Variants in ADK observed in about 807,000 individuals in gnomAD.
The protein encoded by ADK is adenosine kinase.
ADK carries 24 observed loss-of-function variants against 44.7 expected under a neutral mutation model. That is an observed-to-expected ratio of 0.54 (90% CI 0.39 to 0.76). The LOEUF is 0.76. Ranked by LOEUF, ADK falls within the 30% of genes least tolerant of loss-of-function variation. ADK has a pLI of 0.00. For synonymous variants in ADK, 128 were observed against 142.6 expected, an observed-to-expected ratio of 0.90 and a Z score of 0.73; for missense variants, 321 against 425.1, an observed-to-expected ratio of 0.76 and a Z score of 2.15.
intron 9 of ADK, chr10:74,655,710 C>T: frequency 2.1e-6 from 1 of 482,866 alleles, no homozygotes. Flanking sequence ...GCCCAGGGAG[C>T]TGAGCCTCAC....
chr10:74,599,481 A>G (rs1399715617), intron 8 of ADK, among the ~76,000 whole-genome samples: 1 of 152,224 alleles, frequency 6.6e-6, no homozygotes, highest in African/African-American at 2.4e-5. Flanking sequence ...CCGCTCTGAT[A>G]GGTGTTTCTT....
chr10:74,532,753 T>C (rs1219693027), intron 7 of ADK, among the ~76,000 whole-genome samples: 1 of 151,048 alleles, frequency 6.6e-6, no homozygotes, highest in East Asian at 2.0e-4. Flanking sequence ...ATACAAAAAT[T>C]AGCTGGGCAT....
intron 3 of ADK, among the ~76,000 whole-genome samples, chr10:74,239,021 C>G (rs957890344): frequency 6.6e-6 from 1 of 151,836 alleles, no homozygotes; most frequent in African/African-American, 2.4e-5. Context: ...CCACCATGCC[C>G]AGCTAATTTT....
chr10:74,688,515 G>A (rs1455961996), intron 10 of ADK, among the ~76,000 whole-genome samples: 1 of 152,198 alleles, frequency 6.6e-6, no homozygotes, highest in African/African-American at 2.4e-5. Flanking sequence ...CATTTAGTCG[G>A]TATTTCTAGG....
chr10:74,554,665 C>T (rs1054759301), intron 7 of ADK, among the ~76,000 whole-genome samples: 1 of 151,770 alleles, frequency 6.6e-6, no homozygotes. Context: ...CTTGTTGTGG[C>T]CAGGCACAAT....
In ADK at chr10:74,247,689, G is replaced by GT. The variant is rs973990568; in HGVS notation, c.194+23105dup. Among the ~76,000 whole-genome samples the GT allele has an allele frequency of 1.2e-4, 18 of 151,952 alleles. No homozygotes were observed. In the South Asian group the frequency reaches 1.2e-3, roughly 10 times the overall value. ...ACTTTTTCAACAACAATAAAATGGT[G>GT]TTTTTTTAAACTCAAAAAATGTCTA... is the stretch of plus-strand genomic sequence containing the variant. On this transcript the variant is annotated intron_variant, in intron 3 of 10. Transcript: ENST00000539909.
At chr10:74,456,964 A>C (rs1360272991) in intron 6 of ADK, among the ~76,000 whole-genome samples, 3 of 152,178 alleles carry the variant, frequency 2.0e-5, no homozygotes, top group Non-Finnish European at 2.9e-5. Context: ...AGCAGAAGAC[A>C]AGAAATAACT....
chr10:74,363,089 C>T (rs1366257309), intron 4 of ADK, among the ~76,000 whole-genome samples: 1 of 152,190 alleles, frequency 6.6e-6, no homozygotes. Context: ...CATGCATCAC[C>T]CAACAGGTCC....
chr10:74,272,510 A>G (rs146888185), intron 3 of ADK, among the ~76,000 whole-genome samples: 1,801 of 152,268 alleles, frequency 0.012, 42 homozygotes, highest in African/African-American at 0.041. Flanking sequence ...CCTGGATGCA[A>G]GCAATCCTCC....
intron 3 of ADK, among the ~76,000 whole-genome samples, chr10:74,283,656 C>T (rs536564570): frequency 7.1e-6 from 1 of 141,614 alleles, no homozygotes; most frequent in African/African-American, 2.6e-5. Context: ...TTTAATGAGA[C>T]GGAGTTTCGC....
intron 7 of ADK, among the ~76,000 whole-genome samples, chr10:74,575,986 AAGAAAG>A (rs1252151414): frequency 6.6e-6 from 1 of 152,182 alleles, no homozygotes; most frequent in African/African-American, 2.4e-5. Context: ...ACAGAACTTG[AAGAAAG>A]AGAAAGTGTC....
chr10:74,385,699 C>T (rs1328372425), intron 4 of ADK, among the ~76,000 whole-genome samples: 1 of 152,174 alleles, frequency 6.6e-6, no homozygotes, highest in Non-Finnish European at 1.5e-5. Context: ...GCCTTGAACA[C>T]TTTGCTTACA....
intron 6 of ADK, among the ~76,000 whole-genome samples, chr10:74,410,610 G>A (rs1201777181): frequency 6.6e-6 from 1 of 152,140 alleles, no homozygotes; most frequent in Non-Finnish European, 1.5e-5. Context: ...AAACCCAGGA[G>A]GCAGAGGTTG....
intron 10 of ADK, among the ~76,000 whole-genome samples, chr10:74,671,897 G>C (rs1855201204): frequency 6.6e-6 from 1 of 152,148 alleles, no homozygotes; most frequent in African/African-American, 2.4e-5. Context: ...TTGGCTTCCT[G>C]GCCCGGCAAC....
chr10:74,250,314 A>G (rs1283027569), intron 3 of ADK, among the ~76,000 whole-genome samples: 2 of 152,220 alleles, frequency 1.3e-5, no homozygotes, highest in Non-Finnish European at 2.9e-5. Context: ...AGTCGGGTAT[A>G]GGGAGATCAA....
intron 7 of ADK, among the ~76,000 whole-genome samples, chr10:74,561,171 T>C (rs1162782778): frequency 6.6e-6 from 1 of 152,226 alleles, no homozygotes; most frequent in Non-Finnish European, 1.5e-5. Flanking sequence ...GTTTTACTAG[T>C]CAAATGGAGT....
intron 1 of ADK, among the ~76,000 whole-genome samples, chr10:74,158,181 G>A (rs780555655): frequency 7.2e-5 from 11 of 151,894 alleles, no homozygotes; most frequent in Non-Finnish European, 1.2e-4. Flanking sequence ...GAATTATGAG[G>A]TTTAAAAAAA....
intron 2 of ADK, among the ~76,000 whole-genome samples, chr10:74,210,337 A>G (rs1026174304): frequency 2.0e-5 from 3 of 151,464 alleles, no homozygotes; most frequent in Non-Finnish European, 4.4e-5. Context: ...CAGGAAAAAA[A>G]AAAAAAAAAA....
At chr10:74,458,757 C>A (rs933341040) in intron 6 of ADK, among the ~76,000 whole-genome samples, 1 of 152,044 alleles carries the variant, frequency 6.6e-6, no homozygotes, top group Non-Finnish European at 1.5e-5. Flanking sequence ...TTTTCTATGC[C>A]GTTTCTTTCT....
Sources: allele counts gnomAD v4.1 joint callset (sites outside exome capture counted in the v4.1 genomes callset), GRCh38; gene constraint gnomAD v4.1.1; transcripts MANE v1.5; gene names NCBI Gene and HGNC (gene_info 2026-07-23, HGNC 2026-07-21).